LHX6: variants seen among roughly 807,000 people sequenced by gnomAD.
LHX6 encodes the protein LIM homeobox 6.
A neutral mutation model predicts 47.1 loss-of-function variants in LHX6; 15 were observed. The ratio of observed to expected loss-of-function variants is 0.32; its 90% CI spans 0.21 to 0.49. LHX6 has a LOEUF of 0.49. Among genes scored for constraint, LHX6 ranks in the 20% least tolerant of loss-of-function variants. The pLI is 0.99. For synonymous variants in LHX6, 242 were observed against 233.5 expected (o/e 1.04, Z -0.33); for missense variants, 404 against 539.6 (o/e 0.75, Z 2.49).
intron 1 of LHX6, chr9:122,228,259 C>T (rs1306788287): frequency 2.0e-6 from 3 of 1,534,924 alleles, no homozygotes; most frequent in African/African-American, 2.7e-5. Context: ...AAGAGAGGCG[C>T]TCAAGGGGAG....
At chr9:122,218,078 A>G (rs576694679) in intron 4 of LHX6, among the ~76,000 whole-genome samples, 2 of 152,280 alleles carry the variant, frequency 1.3e-5, no homozygotes, top group South Asian at 2.1e-4. Flanking sequence ...TTGCCCCTCA[A>G]GCCTTCCTTG....
At chr9:122,218,696 G>T (rs1440186094) in intron 4 of LHX6, among the ~76,000 whole-genome samples, 1 of 151,784 alleles carries the variant, frequency 6.6e-6, no homozygotes, top group Non-Finnish European at 1.5e-5. Context: ...AACCCTTGGG[G>T]TTTGCAAAAC....
chr9:122,212,773 A>G (rs1830444074), intron 8 of LHX6, among the ~76,000 whole-genome samples: 1 of 152,012 alleles, frequency 6.6e-6, no homozygotes, highest in South Asian at 2.1e-4. Context: ...TTACTTTATC[A>G]TCTCCACCAT....
In LHX6 at chr9:122,221,809, G is replaced by C. The variant is rs138212104; in HGVS notation, c.462-4521C>G. On this transcript the variant is annotated intron_variant, in intron 4 of 9. Transcript: ENST00000394319. ...TTGGATCAGCAGAGAGGGGCCCCACGATGCACAGACGGGTGGCTGATATAT... is the reference window on the plus strand; with the variant it reads ...TTGGATCAGCAGAGAGGGGCCCCACCATGCACAGACGGGTGGCTGATATAT... 6.8e-6 allele frequency: 5 copies of C among 737,786 alleles called. No individual in the cohort carries two copies. The African/African-American group carries it at 9.6e-5, about 14-fold the overall frequency. 45.7% of individuals were successfully genotyped at this position (737,786 alleles called of 1,614,324 possible).
rs768964265 is a variant in LHX6 at position 122,213,812 on chromosome 9, G to C, written c.880-32C>G. ...CGACAGCCTCGGCAGCCTCAGCCTC[G>C]AGGAAAAGAGTCGGACGCGCCGCCG... On this transcript the variant is annotated intron_variant, in intron 7 of 9. Transcript: ENST00000394319. This position sits in a 1 kb window ranked among gnomAD's most constrained non-coding sequence, Gnocchi z 5.5. The C allele has an allele frequency of 6.4e-6, 10 of 1,558,170 alleles. No individual in the cohort carries two copies. The South Asian group carries it at 1.1e-4, about 16-fold the overall frequency.
At chr9:122,219,578 A>T (rs1310115416) in intron 4 of LHX6, among the ~76,000 whole-genome samples, 1 of 151,976 alleles carries the variant, frequency 6.6e-6, no homozygotes, top group Non-Finnish European at 1.5e-5. Context: ...GTGCTGCGGG[A>T]GGAGGGGGAG....
intron 4 of LHX6, among the ~76,000 whole-genome samples, chr9:122,219,924 C>T (rs557655737): frequency 2.0e-5 from 3 of 152,238 alleles, no homozygotes; most frequent in Non-Finnish European, 4.4e-5. Context: ...GAATCTCCAG[C>T]GCGGGGCCAA....
Position 122,227,007 on chromosome 9 carries a change from C to G in LHX6, c.180G>C (p.Leu60=). The G allele has an allele frequency of 6.6e-7, 1 of 1,517,706 alleles. No individual in the cohort carries two copies. The allele number at this position is 1,517,706 out of a possible 1,614,324, so 94.0% of individuals were successfully genotyped here. ...PAMAQSDAEA[L]AGALDKDEGQ... ...CCTCGTCCTTGTCCAGAGCTCCTGC[C>G]AGGGCCTCGGCGTCAGACTGAGCCT... Residue 60 remains leucine (L), a synonymous_variant, in exon 3 of 10, where the codon CTG becomes CTC. Coordinates refer to ENST00000394319, the MANE Select transcript of LHX6 (RefSeq NM_014368.5).
At chr9:122,211,979 G>T (rs1360142034) in intron 8 of LHX6, among the ~76,000 whole-genome samples, 4 of 152,184 alleles carry the variant, frequency 2.6e-5, no homozygotes, top group African/African-American at 9.7e-5. Context: ...AGATAGTTCA[G>T]AAATGGAACT....
chr9:122,216,615 G>C (rs1017801382), intron 5 of LHX6, among the ~76,000 whole-genome samples: 2 of 152,190 alleles, frequency 1.3e-5, no homozygotes, highest in African/African-American at 4.8e-5. Flanking sequence ...GCTAGGATAG[G>C]AAATGGGAGA....
chr9:122,226,827 C>T lies in LHX6; in HGVS notation c.339+21G>A. 6.4e-7 allele frequency: 1 copy of T among 1,555,300 alleles called. No homozygotes were observed. ...GTCCCACGCCCCGACAACACGCACGCAACACCTACCCCTGTCTCACCTTGA... is the reference window on the plus strand; with the variant it reads ...GTCCCACGCCCCGACAACACGCACGTAACACCTACCCCTGTCTCACCTTGA... On this transcript the variant is annotated intron_variant, in intron 3 of 9. Coordinates refer to ENST00000394319, the MANE Select transcript of LHX6 (RefSeq NM_014368.5). This position sits in a 1 kb window ranked among gnomAD's most constrained non-coding sequence, Gnocchi z 6.5.
Position 122,227,018 on chromosome 9 carries a change from C to A in LHX6, c.169G>T (p.Ala57Ser), listed in dbSNP as rs1831132063. 8 of 1,503,532 alleles carry A rather than the reference C, an allele frequency of 5.3e-6. No homozygotes were observed. In the East Asian group the frequency reaches 7.4e-5, roughly 14 times the overall value. 93.1% of individuals were successfully genotyped at this position (1,503,532 alleles called of 1,614,324 possible). A position where few individuals can be genotyped will look rare whatever the true frequency, so the allele number is the denominator to read the frequency against. ...TAPPAMAQSDAEALAGALDKD... is the reference protein window; with the variant it reads ...TAPPAMAQSDSEALAGALDKD... Reference sequence around the variant, plus strand: ...TCCAGAGCTCCTGCCAGGGCCTCGGCGTCAGACTGAGCCTGCGGCGGGGGA... The same window carrying A: ...TCCAGAGCTCCTGCCAGGGCCTCGGAGTCAGACTGAGCCTGCGGCGGGGGA... The change falls in exon 3 of 10, where the codon GCC (alanine) becomes TCC (serine). Residue 57 changes from alanine to serine, a missense_variant. Around this residue, in one of 7 missense-constraint regions of LHX6, gnomAD observed 144 missense variants for 128.7 expected, o/e 1.12. Coordinates refer to ENST00000394319, the MANE Select transcript of LHX6 (RefSeq NM_014368.5).
At chr9:122,212,539 C>CCA (rs1238074071) in intron 8 of LHX6, among the ~76,000 whole-genome samples, 1 of 152,110 alleles carries the variant, frequency 6.6e-6, no homozygotes, top group African/African-American at 2.4e-5. Context: ...TGGTCATGCC[C>CCA]AGCTTAGAGG....
chr9:122,220,767 G>C (rs1830818866), intron 4 of LHX6, among the ~76,000 whole-genome samples: 1 of 152,174 alleles, frequency 6.6e-6, no homozygotes, highest in African/African-American at 2.4e-5. Flanking sequence ...TAAGGTGGGC[G>C]TCGCGCACCG....
rs1830490840 is a variant in LHX6, at chr9:122,213,942, C to T, written c.879+32G>A. The T allele has an allele frequency of 6.6e-7, 1 of 1,520,018 alleles. No individual in the cohort carries two copies. Among genetic ancestry groups the T allele is most frequent in the Non-Finnish European group, 9.0e-7 (1 of 1,108,910 alleles). 94.2% of individuals were successfully genotyped at this position (1,520,018 alleles called of 1,614,324 possible). On this transcript the variant is annotated intron_variant, in intron 7 of 9. Coordinates refer to ENST00000394319, the MANE Select transcript of LHX6 (RefSeq NM_014368.5). The surrounding 1 kb of genome is among the most constrained non-coding windows in gnomAD (Gnocchi z 5.5). ...AGCTACGAGCTCCGGGGCGTGCCCGCGGTCCCCAGGCCCCGCCCACCCCCG... is the reference window on the plus strand; with the variant it reads ...AGCTACGAGCTCCGGGGCGTGCCCGTGGTCCCCAGGCCCCGCCCACCCCCG...
chr9:122,209,478 G>A (rs1181648405), intron 9 of LHX6, 136 bp downstream of exon 9: 8 of 1,317,318 alleles, frequency 6.1e-6, no homozygotes, highest in African/African-American at 1.5e-5. Context: ...GGGGTGCGGT[G>A]GGGGTCTCAG....
chr9:122,223,457 A>G (rs560991835), intron 4 of LHX6, among the ~76,000 whole-genome samples: 1 of 152,380 alleles, frequency 6.6e-6, no homozygotes, highest in Non-Finnish European at 1.5e-5. Context: ...CACCCTGCCA[A>G]TGATGACAAC....
At chr9:122,224,029 T>A (rs754344709) in intron 4 of LHX6, among the ~76,000 whole-genome samples, 7 of 151,682 alleles carry the variant, frequency 4.6e-5, no homozygotes, top group African/African-American at 7.3e-5. Flanking sequence ...TTTTGTATGT[T>A]TGTTTGTTTG....
At chr9:122,219,859 A>C (rs1049525028) in intron 4 of LHX6, among the ~76,000 whole-genome samples, 1 of 152,240 alleles carries the variant, frequency 6.6e-6, no homozygotes, top group Non-Finnish European at 1.5e-5. Flanking sequence ...ATGGATGAAC[A>C]GGAAGCGGGG....
Sources: gnomAD v4.1 joint callset for allele counts (sites outside exome capture counted in the v4.1 genomes callset) on GRCh38, gnomAD v4.1.1 for gene constraint, gnomAD v4.1.1 regional missense constraint, Gnocchi (gnomAD v3.1) non-coding constraint, MANE v1.5 for transcripts, NCBI Gene and HGNC (gene_info 2026-07-23, HGNC 2026-07-21) for gene names.